Variants in SLC22A11 observed in about 807,000 individuals in gnomAD.
The protein encoded by SLC22A11 is organic anion transporter 4.
Under a neutral mutation model 49.4 loss-of-function variants are expected in SLC22A11, and 42 were observed. The ratio of observed to expected loss-of-function variants is 0.85; its 90% CI spans 0.66 to 1.10. The LOEUF (loss-of-function observed/expected upper bound fraction) is 1.10. Among genes scored for constraint, SLC22A11 ranks in the 50% least tolerant of loss-of-function variants. The pLI, the probability that SLC22A11 is intolerant of heterozygous loss-of-function variation, is 0.00. For missense variants in SLC22A11, 685 were observed against 731.6 expected (o/e 0.94, Z 0.74); for synonymous variants, 304 against 315.8 (o/e 0.96, Z 0.40).
chr11:64,560,596 C>T (rs1465407675), intron 2 of SLC22A11, among the ~76,000 whole-genome samples: 2 of 152,212 alleles, frequency 1.3e-5, no homozygotes, highest in African/African-American at 2.4e-5. Context: ...GGAGGCCCTC[C>T]GAGGCCACGG....
chr11:64,558,920 C>T (rs1045117954), intron 1 of SLC22A11, among the ~76,000 whole-genome samples: 1 of 152,208 alleles, frequency 6.6e-6, no homozygotes, highest in Non-Finnish European at 1.5e-5. Context: ...GGAGTGGCCT[C>T]CACACAGCTG....
Position 64,567,749 on chromosome 11 carries a change from C to T in SLC22A11, c.1209C>T (p.Thr403=), listed in dbSNP as rs746344370. ...TGCTCAGTTTCCTTGGCCGCCGCAC[C>T]ATCCAGGCGGGTTCCCAGGCCATGG... ...ALLLSFLGRR[T]IQAGSQAMAG... The change falls in exon 7 of 10, where the codon ACC becomes ACT. Residue 403 remains threonine, a synonymous_variant. Coordinates refer to ENST00000301891, the MANE Select transcript of SLC22A11 (RefSeq NM_018484.4). 5.0e-6 allele frequency: 8 copies of T among 1,612,982 alleles called. No homozygotes were observed. In the African/African-American group the frequency reaches 1.1e-4, roughly 22 times the overall value.
At chr11:64,570,660 G>A (rs2038691478) in intron 9 of SLC22A11, among the ~76,000 whole-genome samples, 1 of 152,196 alleles carries the variant, frequency 6.6e-6, no homozygotes, top group African/African-American at 2.4e-5. Context: ...TTATTTAATC[G>A]ATACAACAAC....
At position 64,565,590 on chromosome 11, in the gene SLC22A11, GGGGTCCCA is replaced by G. The variant is rs994618664; in HGVS notation, c.1058+265_1058+272del. Reference sequence around the variant, plus strand: ...CAGAGGAAAAGGCAGCTCTAGGCTGGGGGTCCCAGGGTCCCAGGGAGGTCCCAAGACAG... The same window carrying G: ...CAGAGGAAAAGGCAGCTCTAGGCTGGGGGTCCCAGGGAGGTCCCAAGACAG... On this transcript the variant is annotated intron_variant, in intron 6 of 9. Coordinates refer to ENST00000301891, the MANE Select transcript of SLC22A11 (RefSeq NM_018484.4). This position sits in a 1 kb window ranked among gnomAD's most constrained non-coding sequence, Gnocchi z 4.1. 4.4e-5 allele frequency: 25 copies of G among 570,264 alleles called. No homozygotes were observed. Among genetic ancestry groups the G allele is most frequent in the African/African-American group, 3.0e-4 (16 of 53,878 alleles). 35.3% of individuals were successfully genotyped at this position (570,264 alleles called of 1,614,324 possible). A position where few individuals can be genotyped will look rare whatever the true frequency, so the allele number is the denominator to read the frequency against.
Position 64,562,176 on chromosome 11 carries a change from C to A in SLC22A11, c.652+18C>A, listed in dbSNP as rs374541466. On this transcript the variant is annotated intron_variant, in intron 3 of 9. Transcript: ENST00000301891. This position sits in a 1 kb window ranked among gnomAD's most constrained non-coding sequence, Gnocchi z 4.4. ...GACACTGAGTGAGTCCCCGGCTCAG[C>A]GCGCTCCTGCCATGGGGGCGGGGGT... 2 of 1,610,208 alleles carry A rather than the reference C, an allele frequency of 1.2e-6. No individual in the cohort carries two copies. The highest frequency in any genetic ancestry group is 4.5e-5 in the East Asian group (2 of 44,776).
chr11:64,569,371 TG>T (rs1229340860), intron 8 of SLC22A11, among the ~76,000 whole-genome samples: 2 of 152,160 alleles, frequency 1.3e-5, no homozygotes, highest in African/African-American at 4.8e-5. Flanking sequence ...TGATATCGTA[TG>T]GAAAGCCTGA....
chr11:64,559,328 C>A, intron 2 of SLC22A11, 90 bp downstream of exon 2: 3 of 970,544 alleles, frequency 3.1e-6, no homozygotes, highest in Non-Finnish European at 4.4e-6. Flanking sequence ...CAGGCAAACA[C>A]CCCATCCCTG....
rs1205046360 is a variant in SLC22A11, at chr11:64,564,112, G to A, written c.822-196G>A. Among the ~76,000 whole-genome samples the A allele has an allele frequency of 6.6e-6, 1 of 152,146 alleles. No homozygotes were observed. Among genetic ancestry groups the A allele is most frequent in the Non-Finnish European group, 1.5e-5 (1 of 68,024 alleles). On this transcript the variant is annotated intron_variant, in intron 4 of 9. Transcript: ENST00000301891. The surrounding 1 kb of genome is among the most constrained non-coding windows in gnomAD (Gnocchi z 4.2). ...AGGTGGCTCGCTTGGGAAGGTGGGC[G>A]GCCAGGCATTGGGACTCAGCTTTAT... is the stretch of plus-strand genomic sequence containing the variant.
rs766276214 is a variant in SLC22A11, at chr11:64,557,627, C to CTTT, written c.393+1255_393+1257dup. Among the ~76,000 whole-genome samples the CTTT allele has an allele frequency of 1.2e-3, 129 of 104,042 alleles. 1 individual carries two copies. The highest frequency in any genetic ancestry group is 4.2e-3 in the African/African-American group (95 of 22,670). 68.3% of individuals were successfully genotyped at this position (104,042 alleles called of 152,430 possible). A position where few individuals can be genotyped will look rare whatever the true frequency, so the allele number is the denominator to read the frequency against. On this transcript the variant is annotated intron_variant, in intron 1 of 9. Transcript: ENST00000301891. Reference sequence around the variant, plus strand: ...GCTCTGGAGCTGGGATTTTCTTTCTCTTTTTTTTTTTTTTTTTTTTTTGAG... The same window carrying CTTT: ...GCTCTGGAGCTGGGATTTTCTTTCTCTTTTTTTTTTTTTTTTTTTTTTTTTGAG...
intron 1 of SLC22A11, among the ~76,000 whole-genome samples, chr11:64,558,397 G>A (rs1186853891): frequency 3.9e-5 from 6 of 152,208 alleles, no homozygotes; most frequent in Non-Finnish European, 7.3e-5. Flanking sequence ...GCAGCTGCCC[G>A]GGTGGGAAGG....
chr11:64,556,855 A>C (rs2135418573), intron 1 of SLC22A11, among the ~76,000 whole-genome samples: 2 of 152,228 alleles, frequency 1.3e-5, no homozygotes, highest in East Asian at 3.9e-4. Flanking sequence ...TTCTTGCTAA[A>C]CTGATTCAGC....
In SLC22A11 at chr11:64,556,040, G is replaced by T. The variant is rs1394758306; in HGVS notation, c.41G>T (p.Gly14Val). The change falls in exon 1 of 10, where the codon GGC (glycine) becomes GTC (valine). Residue 14 changes from glycine (G) to valine (V), a missense_variant. By Grantham distance (109) the Gly-to-Val change is moderately radical. Transcript: ENST00000301891. ...SKLLEQAGGV[G>V]LFQTLQVLTF... ...CTCTTGGAGCAAGCCGGAGGCGTGG[G>T]CCTCTTCCAGACCCTGCAGGTGCTC... 2.5e-6 allele frequency: 4 copies of T among 1,613,006 alleles called. No homozygotes were observed. The highest frequency in any genetic ancestry group is 2.7e-5 in the African/African-American group (2 of 74,916).
rs1366280152 is a variant in SLC22A11 at position 64,565,439 on chromosome 11, A to G, written c.1058+102A>G. 18 of 927,180 alleles carry G rather than the reference A, an allele frequency of 1.9e-5. No homozygotes were observed. The Admixed American group carries it at 3.6e-4, about 19-fold the overall frequency. 57.4% of individuals were successfully genotyped at this position (927,180 alleles called of 1,614,324 possible). ...AGCGTCCAGGGGAAACAGCACCCGC[A>G]GGCCTCAAGGGGGTGCATTTCTGTC... On this transcript the variant is annotated intron_variant, in intron 6 of 9. Coordinates refer to ENST00000301891, the MANE Select transcript of SLC22A11 (RefSeq NM_018484.4). The surrounding 1 kb of genome is among the most constrained non-coding windows in gnomAD (Gnocchi z 4.1).
intron 4 of SLC22A11, among the ~76,000 whole-genome samples, chr11:64,563,610 T>TAAAAAAAAAAAAAAAAAA (rs869085115): frequency 2.3e-5 from 1 of 43,858 alleles, no homozygotes; most frequent in Non-Finnish European, 3.8e-5. Flanking sequence ...TTAAATGTGC[T>TAAAAAAAAAAAAAAAAAA]AAAAAAAAAA....
chr11:64,569,927 G>A lies in SLC22A11; in HGVS notation c.1589+69G>A, dbSNP rs2038682504. 1.7e-5 allele frequency: 25 copies of A among 1,483,130 alleles called. No individual in the cohort carries two copies. In the South Asian group the frequency reaches 2.8e-4, roughly 17 times the overall value. The allele number at this position is 1,483,130 out of a possible 1,614,324, so 91.9% of individuals were successfully genotyped here. A position where few individuals can be genotyped will look rare whatever the true frequency, so the allele number is the denominator to read the frequency against. On this transcript the variant is annotated intron_variant, in intron 9 of 9. Transcript: ENST00000301891. ...TGGGCCAAGATGGAGACAGGCCTGG[G>A]CTGCCCAGGGCAAAGGCTCAAGAGT...
intron 2 of SLC22A11, 60 bp downstream of exon 2, chr11:64,559,298 G>T: frequency 3.8e-6 from 5 of 1,305,566 alleles, no homozygotes; most frequent in Non-Finnish European, 4.2e-6. Context: ...AAGACTATGG[G>T]GCAGAAGGTT....
rs941945318 is a variant in SLC22A11, at chr11:64,564,877, G to A, written c.943-345G>A. ...CCCACCTCATGGGGGTTCTCGATGT[G>A]TCTGGGGAAACAGAATGTGTTTATT... On this transcript the variant is annotated intron_variant, in intron 5 of 9. Coordinates refer to ENST00000301891, the MANE Select transcript of SLC22A11 (RefSeq NM_018484.4). The surrounding 1 kb of genome is among the most constrained non-coding windows in gnomAD (Gnocchi z 4.2). Among the ~76,000 whole-genome samples, 1 of 152,192 alleles carries A rather than the reference G, an allele frequency of 6.6e-6. No homozygotes were observed. The highest frequency in any genetic ancestry group is 1.5e-5 in the Non-Finnish European group (1 of 68,030).
intron 2 of SLC22A11, among the ~76,000 whole-genome samples, chr11:64,560,996 C>T (rs769937625): frequency 6.6e-6 from 1 of 152,242 alleles, no homozygotes; most frequent in Non-Finnish European, 1.5e-5. Flanking sequence ...CGCACCTGCC[C>T]ACGCAGTTGT....
At chr11:64,558,532 C>T (rs930419208) in intron 1 of SLC22A11, among the ~76,000 whole-genome samples, 4 of 152,150 alleles carry the variant, frequency 2.6e-5, no homozygotes, top group Non-Finnish European at 4.4e-5. Context: ...CCCAGTGAAC[C>T]GTGCCAAGCT....
Sources: allele counts gnomAD v4.1 joint callset (sites outside exome capture counted in the v4.1 genomes callset), GRCh38; gene constraint gnomAD v4.1.1; non-coding constraint Gnocchi (gnomAD v3.1); transcripts MANE v1.5; gene names NCBI Gene and HGNC (gene_info 2026-07-23, HGNC 2026-07-21).